The following SUGCT variants were observed in gnomAD, a reference collection of about 807,000 sequenced individuals.
SUGCT encodes the protein succinyl-CoA:glutarate CoA-transferase.
Under a neutral mutation model 55.0 loss-of-function variants are expected in SUGCT, and 41 were observed. That is an observed-to-expected ratio of 0.74 (90% CI 0.58 to 0.97). The LOEUF (loss-of-function observed/expected upper bound fraction) is 0.97, where lower values mean the gene tolerates loss of function less well. SUGCT is among the 50% of genes least tolerant of loss of function. The pLI, the probability that SUGCT is intolerant of heterozygous loss-of-function variation, is 0.00. For missense variants in SUGCT, 568 were observed against 547.8 expected (o/e 1.04, Z -0.37); for synonymous variants, 187 against 200.4 (o/e 0.93, Z 0.56).
intron 13 of SUGCT, among the ~76,000 whole-genome samples, chr7:40,836,749 C>G (rs1468126023): frequency 1.3e-5 from 2 of 152,146 alleles, no homozygotes; most frequent in Non-Finnish European, 1.5e-5. Flanking sequence ...AGCATAATTT[C>G]CTTGAGATTC....
intron 13 of SUGCT, among the ~76,000 whole-genome samples, chr7:40,779,763 G>C (rs983192058): frequency 6.6e-6 from 1 of 152,148 alleles, no homozygotes; most frequent in African/African-American, 2.4e-5. Context: ...GCTGGGGTTT[G>C]CTGCCATAAT....
the SUGCT span, among the ~76,000 whole-genome samples, chr7:41,033,627 ATG>A: frequency 6.6e-6 from 1 of 152,106 alleles, no homozygotes; most frequent in Non-Finnish European, 1.5e-5. Flanking sequence ...ATGCATGCAA[ATG>A]TGCACATGCA....
chr7:40,765,081 A>G (rs1788715182), intron 13 of SUGCT, among the ~76,000 whole-genome samples: 1 of 152,194 alleles, frequency 6.6e-6, no homozygotes, highest in Non-Finnish European at 1.5e-5. Flanking sequence ...CATATTTGGC[A>G]TTTTAGATTC....
At chr7:40,776,245 C>A (rs368228395) in intron 13 of SUGCT, among the ~76,000 whole-genome samples, 2 of 152,186 alleles carry the variant, frequency 1.3e-5, no homozygotes, top group Admixed American at 6.5e-5. Context: ...CTCTTTCCCA[C>A]GCTGCCTCAG....
rs563478330 is a variant in SUGCT, at chr7:40,489,666, C to T, written c.987-6618C>T. Reference sequence around the variant, plus strand: ...ACTGCACTCTAGCCTGGTGACAGAGCGAGACTCTGTCTCAAAAAACAAAAC... The same window carrying T: ...ACTGCACTCTAGCCTGGTGACAGAGTGAGACTCTGTCTCAAAAAACAAAAC... On this transcript the variant is annotated intron_variant, in intron 11 of 13. Transcript: ENST00000335693. 5.3e-5 allele frequency among the ~76,000 whole-genome samples: 8 copies of T among 152,030 alleles called. No homozygotes were observed. In the East Asian group the frequency reaches 5.8e-4, roughly 11 times the overall value.
chr7:40,761,936 A>C (rs1275526137), intron 13 of SUGCT, among the ~76,000 whole-genome samples: 1 of 152,152 alleles, frequency 6.6e-6, no homozygotes, highest in East Asian at 1.9e-4. Context: ...TTCTGCTATG[A>C]CAGCGGAATA....
At chr7:40,780,893 A>G (rs1232399070) in intron 13 of SUGCT, among the ~76,000 whole-genome samples, 1 of 152,104 alleles carries the variant, frequency 6.6e-6, no homozygotes, top group African/African-American at 2.4e-5. Context: ...ATTAAGGCAT[A>G]AAGAATGGCA....
At chr7:40,217,208 T>A (rs909481936) in intron 6 of SUGCT, among the ~76,000 whole-genome samples, 1 of 151,974 alleles carries the variant, frequency 6.6e-6, no homozygotes, top group Non-Finnish European at 1.5e-5. Flanking sequence ...TCCAGAATTA[T>A]TCTTCTTCTT....
At chr7:40,231,587 C>T (rs1788728128) in intron 6 of SUGCT, among the ~76,000 whole-genome samples, 1 of 151,922 alleles carries the variant, frequency 6.6e-6, no homozygotes, top group Non-Finnish European at 1.5e-5. Context: ...GTGCAAAGGC[C>T]CCACCTTGGG....
At chr7:41,016,348 G>A in the SUGCT span, among the ~76,000 whole-genome samples, 4 of 152,226 alleles carry the variant, frequency 2.6e-5, no homozygotes, top group East Asian at 5.8e-4. Flanking sequence ...AAATAGAAAT[G>A]TATTATTTTG....
At chr7:40,455,817 T>G (rs1176111601) in intron 10 of SUGCT, among the ~76,000 whole-genome samples, 1 of 152,182 alleles carries the variant, frequency 6.6e-6, no homozygotes, top group African/African-American at 2.4e-5. Context: ...CAGTACTGAG[T>G]TATCATATTT....
intron 12 of SUGCT, among the ~76,000 whole-genome samples, chr7:40,601,249 A>G (rs944996745): frequency 1.1e-4 from 16 of 152,282 alleles, no homozygotes; most frequent in African/African-American, 3.6e-4. Context: ...GGGGTGTACA[A>G]TCTAAAAACT....
intron 7 of SUGCT, among the ~76,000 whole-genome samples, chr7:40,263,246 A>G (rs1293768699): frequency 6.6e-6 from 1 of 152,178 alleles, no homozygotes; most frequent in Non-Finnish European, 1.5e-5. Flanking sequence ...ATGAATTGTA[A>G]AATAGTGATA....
At chr7:40,539,647 C>G (rs1466455249) in intron 12 of SUGCT, 2 of 152,180 alleles carry the variant, frequency 1.3e-5, no homozygotes. Context: ...GGCTCCTCTT[C>G]TTTGGACTCC....
At chr7:40,608,975 T>G (rs1315434638) in intron 12 of SUGCT, among the ~76,000 whole-genome samples, 1 of 152,222 alleles carries the variant, frequency 6.6e-6, no homozygotes, top group African/African-American at 2.4e-5. Flanking sequence ...TGATTTTTTT[T>G]GGTTTTCTCA....
chr7:40,906,327 C>G, the SUGCT span, among the ~76,000 whole-genome samples: 2 of 152,020 alleles, frequency 1.3e-5, no homozygotes. Context: ...AAAGCTTCAT[C>G]CAAATCAGAG....
At chr7:40,736,869 G>A (rs1341692782) in intron 12 of SUGCT, among the ~76,000 whole-genome samples, 1 of 152,004 alleles carries the variant, frequency 6.6e-6, no homozygotes, top group Admixed American at 6.6e-5. Context: ...AAATTCTAAA[G>A]AACTATTCTA....
intron 12 of SUGCT, among the ~76,000 whole-genome samples, chr7:40,606,847 G>A (rs1798557257): frequency 6.6e-6 from 1 of 152,152 alleles, no homozygotes; most frequent in Admixed American, 6.5e-5. Flanking sequence ...ATACATGATG[G>A]AGCATCAGAG....
chr7:40,257,566 A>G (rs1790893194), intron 7 of SUGCT, among the ~76,000 whole-genome samples: 1 of 152,150 alleles, frequency 6.6e-6, no homozygotes, highest in African/African-American at 2.4e-5. Flanking sequence ...GGTTTGTTTC[A>G]ATGTTGTAGG....
Sources: gnomAD v4.1 joint callset for allele counts (sites outside exome capture counted in the v4.1 genomes callset) on GRCh38, gnomAD v4.1.1 for gene constraint, MANE v1.5 for transcripts, NCBI Gene and HGNC (gene_info 2026-07-23, HGNC 2026-07-21) for gene names.